ANKRD36B: variants seen among roughly 807,000 people sequenced by gnomAD.
The protein encoded by ANKRD36B is ankyrin repeat domain-containing protein 36B.
A neutral mutation model predicts 135.7 loss-of-function variants in ANKRD36B; 37 were observed. That is an observed-to-expected ratio of 0.27 (90% confidence interval 0.21 to 0.36). The LOEUF (loss-of-function observed/expected upper bound fraction) is 0.36. Ranked by LOEUF, ANKRD36B falls within the 10% of genes least tolerant of loss-of-function variation. ANKRD36B has a pLI of 1.00. For missense variants in ANKRD36B, 549 were observed against 1,037.1 expected, an observed-to-expected ratio of 0.53 and a Z score of 6.46; for synonymous variants, 179 against 348.1, an observed-to-expected ratio of 0.51 and a Z score of 5.41.
At position 97,585,130 on chromosome 2, in the gene ANKRD36B, G is replaced by C; in HGVS notation, c.277-13C>G. 1 of 1,613,684 alleles carries C rather than the reference G, an allele frequency of 6.2e-7. No individual in the cohort carries two copies. The highest frequency in any genetic ancestry group is 8.5e-7 in the Non-Finnish European group (1 of 1,179,762). On this transcript the variant is annotated splice_polypyrimidine_tract_variant and intron_variant, in intron 2 of 43. Coordinates refer to ENST00000359901, the MANE Select transcript of ANKRD36B (RefSeq NM_001393939.1). ...TCAGTTGTACAGCCTGTCAGTATTAGACCGAGAAACATGCAAATACTGAAA... is the reference window on the plus strand; with the variant it reads ...TCAGTTGTACAGCCTGTCAGTATTACACCGAGAAACATGCAAATACTGAAA...
intron 6 of ANKRD36B, among the ~76,000 whole-genome samples, chr2:97,574,558 T>G (rs1484328855): frequency 6.6e-6 from 1 of 152,234 alleles, no homozygotes; most frequent in African/African-American, 2.4e-5. Flanking sequence ...CAAAGGATTA[T>G]AAATCATGCT....
At chr2:97,576,863 A>T (rs1271252134) in intron 5 of ANKRD36B, among the ~76,000 whole-genome samples, 2 of 152,088 alleles carry the variant, frequency 1.3e-5, no homozygotes, top group African/African-American at 4.8e-5. Flanking sequence ...TCACAGAGAA[A>T]TAGTAAAGCA....
At chr2:97,575,316 T>G (rs1001843703) in intron 6 of ANKRD36B, among the ~76,000 whole-genome samples, 4 of 151,234 alleles carry the variant, frequency 2.6e-5, no homozygotes, top group African/African-American at 9.7e-5. Context: ...TGCCTAATAA[T>G]TATAATAACA....
chr2:97,514,023 G>A (rs1576781276), intron 37 of ANKRD36B, among the ~76,000 whole-genome samples: 1 of 131,852 alleles, frequency 7.6e-6, no homozygotes, highest in South Asian at 2.2e-4. Flanking sequence ...AAACCAAGCT[G>A]CACCCCGACC....
chr2:97,582,929 A>G (rs1380090310), intron 3 of ANKRD36B, among the ~76,000 whole-genome samples: 2 of 152,072 alleles, frequency 1.3e-5, no homozygotes. Flanking sequence ...TGCTGCAACT[A>G]AATTATTAAA....
At chr2:97,573,624 C>CA (rs2082034807) in intron 6 of ANKRD36B, among the ~76,000 whole-genome samples, 1 of 152,158 alleles carries the variant, frequency 6.6e-6, no homozygotes, top group Non-Finnish European at 1.5e-5. Flanking sequence ...CATCACGCTA[C>CA]CTGACTTCAA....
At chr2:97,547,391 C>G in intron 22 of ANKRD36B, 145 bp downstream of exon 22, 1 of 1,010,604 alleles carries the variant, frequency 9.9e-7, no homozygotes, top group Non-Finnish European at 1.4e-6. Flanking sequence ...AACACTATCA[C>G]CCACGAACTT....
intron 1 of ANKRD36B, among the ~76,000 whole-genome samples, chr2:97,588,771 CAAAT>C (rs1174245254): frequency 2.6e-5 from 3 of 116,982 alleles, no homozygotes; most frequent in African/African-American, 1.0e-4. Flanking sequence ...CCATTGATAT[CAAAT>C]AAATATTGGA....
At chr2:97,568,930 G>C (rs2595344) in intron 6 of ANKRD36B, among the ~76,000 whole-genome samples, 8 of 152,076 alleles carry the variant, frequency 5.3e-5, no homozygotes, top group South Asian at 2.1e-4. Flanking sequence ...CAAAGTGATC[G>C]CTCAAAGAAA....
At chr2:97,496,172 G>A (rs1414323988) in intron 43 of ANKRD36B, among the ~76,000 whole-genome samples, 1 of 105,706 alleles carries the variant, frequency 9.5e-6, no homozygotes, top group Admixed American at 8.6e-5. Context: ...TAGTGGTCTG[G>A]ATAGAAAATC....
At chr2:97,531,314 C>A (rs1249736471) in intron 35 of ANKRD36B, among the ~76,000 whole-genome samples, 1 of 80,304 alleles carries the variant, frequency 1.2e-5, no homozygotes, top group Non-Finnish European at 3.2e-5. Context: ...GGACAAAAAA[C>A]CAAACACTGC....
At chr2:97,561,669 G>A (rs975444380) in intron 6 of ANKRD36B, among the ~76,000 whole-genome samples, 2 of 151,836 alleles carry the variant, frequency 1.3e-5, no homozygotes, top group African/African-American at 4.8e-5. Context: ...ATAACCATTT[G>A]GGAGTCAAGT....
intron 16 of ANKRD36B, 49 bp downstream of exon 16, chr2:97,553,119 C>T (rs757394584): frequency 1.6e-5 from 25 of 1,583,058 alleles, no homozygotes; most frequent in African/African-American, 1.1e-4. Context: ...TAGAGAAGTT[C>T]GTTTCTATCT....
intron 16 of ANKRD36B, among the ~76,000 whole-genome samples, 200 bp from the exon 17 acceptor site, chr2:97,551,680 C>T (rs551562226): frequency 9.3e-4 from 141 of 152,028 alleles, no homozygotes; most frequent in African/African-American, 3.3e-3. Context: ...AAATATACCC[C>T]TGCAATTTCA....
rs1219915256 is a variant in ANKRD36B, at chr2:97,543,840, G to T, written c.1733C>A (p.Ser578Tyr). Reference sequence around the variant, plus strand: ...TATTTCTGTGGGTATATTCGAAACAGAATCTTTCTTGTCACTTGTAGCCTG... The same window carrying T: ...TATTTCTGTGGGTATATTCGAAACATAATCTTTCTTGTCACTTGTAGCCTG... Reference protein sequence around the residue: ...ALKATSDKKDSVSNIPTEIKD... With the variant: ...ALKATSDKKDYVSNIPTEIKD... Residue 578 changes from serine (S) to tyrosine (Y), a missense_variant, in exon 26 of 44, where the codon TCT (serine) becomes TAT (tyrosine). Physicochemically the swap from Ser to Tyr is moderately radical, Grantham distance 144. Transcript: ENST00000359901. 10 of 209,596 alleles carry T rather than the reference G, an allele frequency of 4.8e-5. 1 individual carries two copies. In the East Asian group the frequency reaches 4.9e-4, roughly 10 times the overall value. The allele number at this position is 209,596 out of a possible 1,614,324, so 13.0% of individuals were successfully genotyped here.
chr2:97,587,971 T>TG (rs1385578073), intron 1 of ANKRD36B, among the ~76,000 whole-genome samples: 6 of 151,832 alleles, frequency 4.0e-5, no homozygotes, highest in Non-Finnish European at 8.8e-5. Context: ...CTCTGTAAAA[T>TG]GAAAATCACT....
At position 97,541,565 on chromosome 2, in the gene ANKRD36B, G is replaced by A. The variant is rs1332381411; in HGVS notation, c.1885+346C>T. 1.1e-4 allele frequency among the ~76,000 whole-genome samples: 11 copies of A among 95,772 alleles called. 3 individuals carry two copies. The highest frequency in any genetic ancestry group is 2.5e-4 in the African/African-American group (8 of 32,008). The allele number at this position is 95,772 out of a possible 152,430, so 62.8% of individuals were successfully genotyped here. On this transcript the variant is annotated intron_variant, in intron 28 of 43. Coordinates refer to ENST00000359901, the MANE Select transcript of ANKRD36B (RefSeq NM_001393939.1). ...TCTGTTTATAACAATATAATCTGAC[G>A]CCTATAATATCTATTACTTCATCTC...
chr2:97,568,919 T>A (rs1027411508), intron 6 of ANKRD36B, among the ~76,000 whole-genome samples: 1 of 152,158 alleles, frequency 6.6e-6, no homozygotes, highest in African/African-American at 2.4e-5. Context: ...TAGACTGTTT[T>A]CAAAGTGATC....
chr2:97,528,652 G>A (rs1188694382), intron 35 of ANKRD36B, among the ~76,000 whole-genome samples: 3 of 95,216 alleles, frequency 3.2e-5, no homozygotes, highest in African/African-American at 3.1e-5. Flanking sequence ...TTGATAGACC[G>A]CTAGCAAGAC....
Sources: allele counts gnomAD v4.1 joint callset (sites outside exome capture counted in the v4.1 genomes callset), GRCh38; gene constraint gnomAD v4.1.1; transcripts MANE v1.5; gene names NCBI Gene and HGNC (gene_info 2026-07-23, HGNC 2026-07-21).